IL10RB: variants seen among roughly 807,000 people sequenced by gnomAD.
IL10RB encodes the protein interleukin-10 receptor subunit beta.
A neutral mutation model predicts 38.7 loss-of-function variants in IL10RB; 30 were observed. That is an observed-to-expected ratio of 0.78 (90% CI 0.58 to 1.05). IL10RB has a LOEUF of 1.05. Among genes scored for constraint, IL10RB ranks in the 50% least tolerant of loss-of-function variants. IL10RB has a pLI of 0.00. For missense variants in IL10RB, 328 were observed against 397.1 expected (o/e 0.83, Z 1.48); for synonymous variants, 142 against 145.9 (o/e 0.97, Z 0.19).
intron 1 of IL10RB, among the ~76,000 whole-genome samples, chr21:33,302,393 C>T (rs997576979): frequency 6.6e-6 from 1 of 152,260 alleles, no homozygotes; most frequent in Non-Finnish European, 1.5e-5. Context: ...CAAGGCTGGG[C>T]CCCCTTGCGT....
Position 33,266,404 on chromosome 21 carries a change from C to A in IL10RB, c.-62C>A. ...TCCCGGAAGCCGCCGCGGACAAGCT[C>A]TCCCGGGCGCGGGCGGGGGTCGTGT... On this transcript the variant is annotated 5_prime_UTR_variant, in exon 1 of 7. Transcript: ENST00000290200. 1 of 1,521,506 alleles carries A rather than the reference C, an allele frequency of 6.6e-7. No individual in the cohort carries two copies. Among genetic ancestry groups the A allele is most frequent in the Non-Finnish European group, 8.8e-7 (1 of 1,134,550 alleles). 94.3% of individuals were successfully genotyped at this position (1,521,506 alleles called of 1,614,324 possible).
chr21:33,273,585 A>G (rs1420516897), intron 2 of IL10RB, among the ~76,000 whole-genome samples: 2 of 152,194 alleles, frequency 1.3e-5, no homozygotes, highest in African/African-American at 2.4e-5. Flanking sequence ...TAAGATGACA[A>G]TGAAGTCTGC....
Position 33,296,201 on chromosome 21 carries a change from TCATAA to T in IL10RB, c.825_829del (p.Asn276ThrfsTer11). On this transcript the variant is annotated frameshift_variant, in exon 7 of 7. Coordinates refer to ENST00000290200, the MANE Select transcript of IL10RB (RefSeq NM_000628.5). LOFTEE classifies it high-confidence loss of function. ...CTCCACAGTTTTTGGGCCATCCTCATCATAACACACTTCTGTTTTTCTCCTTTCCA... is the reference window on the plus strand; with the variant it reads ...CTCCACAGTTTTTGGGCCATCCTCATCACACTTCTGTTTTTCTCCTTTCCA... 6.2e-7 allele frequency: 1 copy of T among 1,614,072 alleles called. No individual in the cohort carries two copies. The highest frequency in any genetic ancestry group is 8.5e-7 in the Non-Finnish European group (1 of 1,179,900).
At chr21:33,285,156 G>C (rs1989350943) in intron 5 of IL10RB, among the ~76,000 whole-genome samples, 1 of 152,168 alleles carries the variant, frequency 6.6e-6, no homozygotes, top group South Asian at 2.1e-4. Context: ...CTCCCAAAGT[G>C]CTGGGGTTAC....
chr21:33,296,491 T>C lies in IL10RB; in HGVS notation c.*134T>C. ...CCCCACATCTAGAACTCCCAGACCC[T>C]GGACTTAGCCACCAGAGAGCTACAT... On this transcript the variant is annotated 3_prime_UTR_variant, in exon 7 of 7. Transcript: ENST00000290200. 1 of 860,938 alleles carries C rather than the reference T, an allele frequency of 1.2e-6. No individual in the cohort carries two copies. The highest frequency in any genetic ancestry group is 1.9e-6 in the Non-Finnish European group (1 of 528,182). 53.3% of individuals were successfully genotyped at this position (860,938 alleles called of 1,614,324 possible).
chr21:33,277,668 C>CTTTTTTTTTTTT (rs1216043179), intron 3 of IL10RB, among the ~76,000 whole-genome samples: 40 of 92,976 alleles, frequency 4.3e-4, no homozygotes, highest in Non-Finnish European at 5.1e-4. Flanking sequence ...TTCTTTCTTT[C>CTTTTTTTTTTTT]TTTTTTTTTT....
In IL10RB at chr21:33,270,654, G is replaced by A. The variant is rs575641379; in HGVS notation, c.173+2137G>A. Among the ~76,000 whole-genome samples, 90 of 150,940 alleles carry A rather than the reference G, an allele frequency of 6.0e-4. 1 individual carries two copies. The highest frequency in any genetic ancestry group is 2.0e-3 in the African/African-American group (82 of 41,094). ...TTCCCAAAGTGCTGGGATTACAGGC[G>A]TGAGCCACCGCGCCCAGCCTTTTTT... On this transcript the variant is annotated intron_variant, in intron 2 of 6. Transcript: ENST00000290200.
chr21:33,285,414 C>T (rs1989355452), intron 5 of IL10RB, among the ~76,000 whole-genome samples: 1 of 152,142 alleles, frequency 6.6e-6, no homozygotes, highest in Non-Finnish European at 1.5e-5. Flanking sequence ...TAGTCTGCCT[C>T]ATGGTGTGGT....
rs368326550 is a variant in IL10RB at position 33,288,062 on chromosome 21, C to T, written c.647-42C>T. 2.2e-5 allele frequency: 35 copies of T among 1,598,774 alleles called. No homozygotes were observed. In the African/African-American group the frequency reaches 2.4e-4, roughly 11 times the overall value. On this transcript the variant is annotated intron_variant, in intron 5 of 6. Coordinates refer to ENST00000290200, the MANE Select transcript of IL10RB (RefSeq NM_000628.5). ...AAATGCTCTTGGGATCACTGTGACC[C>T]GACCTGTGACAAGAATGTAACATGC...
chr21:33,289,626 G>A (rs946177027), intron 6 of IL10RB, among the ~76,000 whole-genome samples: 1 of 152,140 alleles, frequency 6.6e-6, no homozygotes, highest in Non-Finnish European at 1.5e-5. Context: ...AGTCCCAGGA[G>A]GTGCCCAGTG....
At chr21:33,282,934 C>A (rs755049443) in intron 4 of IL10RB, among the ~76,000 whole-genome samples, 160 bp from the exon 5 acceptor site, 1 of 152,130 alleles carries the variant, frequency 6.6e-6, no homozygotes, top group Admixed American at 6.5e-5. Context: ...TGATGCACCC[C>A]CTGAGTGGCC....
In IL10RB at chr21:33,288,124, G is replaced by A. The variant is rs776842133; in HGVS notation, c.667G>A (p.Val223Met). Residue 223 changes from valine (V) to methionine (M), a missense_variant, in exon 6 of 7, where the codon GTG becomes ATG. Physicochemically the swap from Val to Met is conservative, Grantham distance 21 (BLOSUM62 1). Transcript: ENST00000290200. ...THDETVPSWM[V>M]AVILMASVFM... ...GGCAGAAACGGTCCCCTCCTGGATGGTGGCCGTCATCCTCATGGCCTCGGT... is the reference window on the plus strand; with the variant it reads ...GGCAGAAACGGTCCCCTCCTGGATGATGGCCGTCATCCTCATGGCCTCGGT... 6.2e-7 allele frequency: 1 copy of A among 1,614,092 alleles called. No individual in the cohort carries two copies. The highest frequency in any genetic ancestry group is 8.5e-7 in the Non-Finnish European group (1 of 1,180,012).
At chr21:33,292,999 T>C (rs8178553) in intron 6 of IL10RB, among the ~76,000 whole-genome samples, 2,012 of 152,302 alleles carry the variant, frequency 0.013, 49 homozygotes, top group African/African-American at 0.045. Context: ...ACATGCTGCC[T>C]CCAGAACCCT....
intron 2 of IL10RB, among the ~76,000 whole-genome samples, chr21:33,268,957 C>T (rs1032341958): frequency 1.1e-4 from 16 of 152,094 alleles, no homozygotes; most frequent in Non-Finnish European, 1.2e-4. Context: ...ATATGCAAAG[C>T]GGTCAGGAAG....
At chr21:33,294,220 C>G in intron 6 of IL10RB, 1 of 335,366 alleles carries the variant, frequency 3.0e-6, no homozygotes, top group South Asian at 2.3e-5. Context: ...TCACGACTTT[C>G]TCCAGCTTGA....
intron 3 of IL10RB, 29 bp from the exon 4 acceptor site, chr21:33,279,723 A>G (rs1391736418): frequency 5.0e-6 from 8 of 1,604,728 alleles, no homozygotes; most frequent in Non-Finnish European, 6.8e-6. Flanking sequence ...GTGATTTTTG[A>G]TTGTCATTTT....
At chr21:33,288,020 A>G in intron 5 of IL10RB, 84 bp from the exon 6 acceptor site, 1 of 1,295,208 alleles carries the variant, frequency 7.7e-7, no homozygotes, top group Non-Finnish European at 1.1e-6. Flanking sequence ...CTCTGTTTTC[A>G]GGGATTGTGA....
At chr21:33,289,389 C>CTGCTGGTG (rs1952925313) in intron 6 of IL10RB, among the ~76,000 whole-genome samples, 1 of 152,122 alleles carries the variant, frequency 6.6e-6, no homozygotes, top group Non-Finnish European at 1.5e-5. Context: ...CCCACCGCTG[C>CTGCTGGTG]TGCTGGTGTC....
chr21:33,271,700 C>T (rs1227419816), intron 2 of IL10RB, among the ~76,000 whole-genome samples: 3 of 151,470 alleles, frequency 2.0e-5, no homozygotes, highest in Non-Finnish European at 2.9e-5. Context: ...TGCACTCCAG[C>T]CTGGGTGACA....
Sources: gnomAD v4.1 joint callset for allele counts (sites outside exome capture counted in the v4.1 genomes callset) on GRCh38, gnomAD v4.1.1 for gene constraint, MANE v1.5 for transcripts, NCBI Gene and HGNC (gene_info 2026-07-23, HGNC 2026-07-21) for gene names.